LIMCH1: variants seen among roughly 807,000 people sequenced by gnomAD.
LIMCH1 encodes LIM and calponin homology domains 1.
In LIMCH1, 113 loss-of-function variants were observed where a neutral mutation model predicts 176.5. That is an observed-to-expected ratio of 0.64 (90% CI 0.55 to 0.75). The LOEUF (loss-of-function observed/expected upper bound fraction) is 0.75. LIMCH1 is among the 30% of genes least tolerant of loss of function. LIMCH1 has a pLI of 0.00. For missense variants in LIMCH1, 1,674 were observed against 1,814.9 expected (o/e 0.92, Z 1.41); for synonymous variants, 619 against 645.9 (o/e 0.96, Z 0.63).
Position 41,632,791 on chromosome 4 carries a change from G to C in LIMCH1, c.1644G>C (p.Ser548=). The change falls in exon 11 of 32, where the codon TCG becomes TCC. Residue 548 remains serine, a synonymous_variant. Coordinates refer to ENST00000503057, the MANE Select transcript of LIMCH1 (RefSeq NM_001330672.2). The stretch of plus-strand genomic sequence containing the variant: ...GAGGTGACTATTGCAGAAGGGCCTC[G>C]TGGCTGGCTCCTGTGCCGGAGTCTC... ...CGRGDYCRRA[S]WLAPVPESQE... 8 of 1,536,262 alleles carry C rather than the reference G, an allele frequency of 5.2e-6. No individual in the cohort carries two copies. The highest frequency in any genetic ancestry group is 7.0e-6 in the Non-Finnish European group (8 of 1,146,930).
At chr4:41,446,248 G>A (rs937468080) in intron 1 of LIMCH1, among the ~76,000 whole-genome samples, 1 of 152,102 alleles carries the variant, frequency 6.6e-6, no homozygotes, top group African/African-American at 2.4e-5. Flanking sequence ...GCATGATGAG[G>A]GGAGGGGAGT....
chr4:41,654,303 G>A (rs555681662), intron 18 of LIMCH1, among the ~76,000 whole-genome samples: 2 of 152,272 alleles, frequency 1.3e-5, no homozygotes, highest in South Asian at 2.1e-4. Flanking sequence ...TGAGTGAGCC[G>A]CAGCTCCCAG....
In LIMCH1 at chr4:41,698,140, G is replaced by C. The variant is rs1731731091; in HGVS notation, c.*955G>C. 6.6e-6 allele frequency: 1 copy of C among 152,170 alleles called. No individual in the cohort carries two copies. Among genetic ancestry groups the C allele is most frequent in the Non-Finnish European group, 1.5e-5 (1 of 68,124 alleles). 9.4% of individuals were successfully genotyped at this position (152,170 alleles called of 1,614,324 possible). ...AAGTTCATCATTAGGTGTGAGCACT[G>C]CTCACCCTTGCTGGCAAGTTCTCCT... On this transcript the variant is annotated 3_prime_UTR_variant, in exon 32 of 32. Transcript: ENST00000503057.
intron 1 of LIMCH1, among the ~76,000 whole-genome samples, chr4:41,467,388 T>C (rs1175292906): frequency 6.6e-6 from 1 of 152,186 alleles, no homozygotes; most frequent in African/African-American, 2.4e-5. Flanking sequence ...CTGGGTGATT[T>C]ATGAAGGAAA....
At chr4:41,383,724 G>A (rs1336268880) in intron 1 of LIMCH1, among the ~76,000 whole-genome samples, 1 of 152,040 alleles carries the variant, frequency 6.6e-6, no homozygotes, top group Non-Finnish European at 1.5e-5. Flanking sequence ...TATATCTATA[G>A]ATCTATCTAT....
At chr4:41,505,925 GACACACACACACACACAC>G (rs36212568) in intron 2 of LIMCH1, among the ~76,000 whole-genome samples, 4 of 134,562 alleles carry the variant, frequency 3.0e-5, no homozygotes, top group African/African-American at 5.7e-5. Flanking sequence ...CTGTGTTTCT[GACACACACACACACACAC>G]ACACACACAC....
chr4:41,681,998 A>G (rs930949582), intron 25 of LIMCH1, among the ~76,000 whole-genome samples: 3 of 152,206 alleles, frequency 2.0e-5, no homozygotes. Context: ...CAGAAGTTAT[A>G]TCAAGACCTG....
At chr4:41,608,883 T>A (rs2091069704) in intron 4 of LIMCH1, among the ~76,000 whole-genome samples, 1 of 152,132 alleles carries the variant, frequency 6.6e-6, no homozygotes. Flanking sequence ...CTCCTTAAAC[T>A]CATTATTTCT....
At chr4:41,431,385 G>A (rs921974678) in intron 1 of LIMCH1, among the ~76,000 whole-genome samples, 1 of 152,144 alleles carries the variant, frequency 6.6e-6, no homozygotes, top group South Asian at 2.1e-4. Context: ...TTCCTTCCCA[G>A]TCATATGAAG....
intron 1 of LIMCH1, among the ~76,000 whole-genome samples, chr4:41,395,921 G>A (rs1375331560): frequency 6.6e-6 from 1 of 152,210 alleles, no homozygotes; most frequent in Non-Finnish European, 1.5e-5. Flanking sequence ...GGATTATTTG[G>A]GGAAGGGAAT....
At chr4:41,640,478 A>G (rs2093773591) in intron 14 of LIMCH1, among the ~76,000 whole-genome samples, 1 of 152,212 alleles carries the variant, frequency 6.6e-6, no homozygotes, top group East Asian at 1.9e-4. Context: ...ATTTCTTAAA[A>G]GGGGTGGGGA....
rs1403485190 is a variant in LIMCH1, at chr4:41,620,611, G to T, written c.646G>T (p.Asp216Tyr). The change falls in exon 7 of 32, where the codon GAT (aspartate) becomes TAT (tyrosine). Residue 216 changes from aspartate to tyrosine, a missense_variant. Asp to Tyr is a radical substitution (Grantham distance 160, BLOSUM62 -3). Around this residue, in one of 3 missense-constraint regions of LIMCH1, gnomAD observed 655 missense variants for 692.2 expected, o/e 0.95. Coordinates refer to ENST00000503057, the MANE Select transcript of LIMCH1 (RefSeq NM_001330672.2). ...VAPAPKSEEK[D>Y]AAEIQKRKRL... ...ACCAGCTCCCAAGTCTGAAGAAAAA[G>T]ATGCTGCTGAGATCCAAAAGCGCAA... 1.3e-6 allele frequency: 2 copies of T among 1,536,088 alleles called. No individual in the cohort carries two copies. The highest frequency in any genetic ancestry group is 2.7e-5 in the African/African-American group (2 of 73,064).
intron 13 of LIMCH1, among the ~76,000 whole-genome samples, chr4:41,634,441 T>C (rs192328001): frequency 6.6e-6 from 1 of 152,260 alleles, no homozygotes; most frequent in East Asian, 1.9e-4. Context: ...ATTTATAAGC[T>C]CACCATAAAA....
At chr4:41,476,403 G>T (rs891498289) in intron 1 of LIMCH1, among the ~76,000 whole-genome samples, 1 of 152,150 alleles carries the variant, frequency 6.6e-6, no homozygotes, top group East Asian at 1.9e-4. Context: ...GGCGTTGTTC[G>T]TGGAGGTGGA....
At chr4:41,515,241 C>G (rs985239748) in intron 2 of LIMCH1, among the ~76,000 whole-genome samples, 3 of 152,228 alleles carry the variant, frequency 2.0e-5, no homozygotes, top group Non-Finnish European at 4.4e-5. Flanking sequence ...CCGGGTCTGT[C>G]TTTAGAGCTT....
intron 2 of LIMCH1, among the ~76,000 whole-genome samples, chr4:41,507,684 A>G (rs2074352366): frequency 6.6e-6 from 1 of 152,232 alleles, no homozygotes; most frequent in African/African-American, 2.4e-5. Flanking sequence ...GCAGGAGGGA[A>G]GGTTTGGAGT....
intron 1 of LIMCH1, among the ~76,000 whole-genome samples, chr4:41,373,375 G>A (rs1327468919): frequency 6.6e-6 from 1 of 152,178 alleles, no homozygotes; most frequent in Non-Finnish European, 1.5e-5. Context: ...AGCTAGAGTG[G>A]GCTGCAGGAA....
chr4:41,596,783 G>A (rs1197633623), intron 1 of LIMCH1, among the ~76,000 whole-genome samples: 1 of 152,186 alleles, frequency 6.6e-6, no homozygotes, highest in African/African-American at 2.4e-5. Context: ...GGAGAAACTG[G>A]TGAGGGTGTA....
At chr4:41,437,998 T>C (rs1337894633) in intron 1 of LIMCH1, among the ~76,000 whole-genome samples, 1 of 152,232 alleles carries the variant, frequency 6.6e-6, no homozygotes, top group Admixed American at 6.5e-5. Flanking sequence ...AATTTGTTAC[T>C]AAAATATCTT....
Sources: gnomAD v4.1 joint callset for allele counts (sites outside exome capture counted in the v4.1 genomes callset) on GRCh38, gnomAD v4.1.1 for gene constraint, gnomAD v4.1.1 regional missense constraint, MANE v1.5 for transcripts, NCBI Gene and HGNC (gene_info 2026-07-23, HGNC 2026-07-21) for gene names.